The following CELSR1 variants were observed in gnomAD, a reference collection of about 807,000 sequenced individuals.
CELSR1 encodes the protein cadherin EGF LAG seven-pass G-type receptor 1.
In CELSR1, 110 loss-of-function variants were observed where a neutral mutation model predicts 249.1. That is an observed-to-expected ratio of 0.44 (90% CI 0.38 to 0.52). The LOEUF is 0.52. CELSR1 is among the 20% of genes least tolerant of loss of function. The probability of loss-of-function intolerance (pLI) is 0.00; values close to 1 mark genes in which losing one functional copy is unlikely to be tolerated. For synonymous variants in CELSR1, 2,113 were observed against 1,900.0 expected, an observed-to-expected ratio of 1.11 and a Z score of -2.92; for missense variants, 4,109 against 4,296.4, an observed-to-expected ratio of 0.96 and a Z score of 1.22.
At chr22:46,513,245 G>T (rs747392375) in intron 1 of CELSR1, among the ~76,000 whole-genome samples, 1 of 152,174 alleles carries the variant, frequency 6.6e-6, no homozygotes, top group Non-Finnish European at 1.5e-5. Context: ...TCCAACTACG[G>T]CCTTTATTCC....
rs1026256311 is a variant in CELSR1 at position 46,523,152 on chromosome 22, T to C, written c.3544+10475A>G. Among the ~76,000 whole-genome samples the C allele has an allele frequency of 3.9e-5, 6 of 152,230 alleles. No homozygotes were observed. The East Asian group carries it at 1.2e-3, about 29-fold the overall frequency. ...GCTGTTAGTTTACTTTAACCAAGTG[T>C]CATTTAGATTAGATATGAACAAAAA... On this transcript the variant is annotated intron_variant, in intron 1 of 34. Coordinates refer to ENST00000674500, the MANE Select transcript of CELSR1 (RefSeq NM_001378328.1).
intron 1 of CELSR1, among the ~76,000 whole-genome samples, chr22:46,489,710 T>C (rs3788716): frequency 0.55 from 84,108 of 151,622 alleles, 24,404 homozygotes; most frequent in African/African-American, 0.73. Context: ...GTCAGGAGTT[T>C]GAGACCAGCC....
At chr22:46,366,529 G>A (rs2078784477) in intron 29 of CELSR1, 49 bp from the exon 30 acceptor site, 6 of 1,391,020 alleles carry the variant, frequency 4.3e-6, no homozygotes, top group Non-Finnish European at 3.0e-6. Flanking sequence ...GCCACCACAT[G>A]ACCACCACGG....
At chr22:46,463,416 T>A (rs542174266) in intron 2 of CELSR1, among the ~76,000 whole-genome samples, 2 of 151,698 alleles carry the variant, frequency 1.3e-5, no homozygotes, top group Non-Finnish European at 2.9e-5. Flanking sequence ...CTCGGGAGGC[T>A]GAGGCAGAGG....
chr22:46,400,147 T>C (rs9627443), intron 9 of CELSR1, among the ~76,000 whole-genome samples: 4,959 of 151,854 alleles, frequency 0.033, 269 homozygotes, highest in African/African-American at 0.11. Flanking sequence ...CTGGCCAACA[T>C]GGTGAAACCC....
chr22:46,394,126 G>C lies in CELSR1; in HGVS notation c.5964+16C>G. 1 of 1,611,528 alleles carries C rather than the reference G, an allele frequency of 6.2e-7. No homozygotes were observed. ...AGCAAACACAGCATGCAGGGATCAT[G>C]GGGGCGGGGCCTCACCTTGCATTGG... On this transcript the variant is annotated intron_variant, in intron 14 of 34. Coordinates refer to ENST00000674500, the MANE Select transcript of CELSR1 (RefSeq NM_001378328.1).
Position 46,389,352 on chromosome 22 carries a change from GA to G in CELSR1, c.6492del (p.Gln2165SerfsTer82). 1 of 1,610,980 alleles carries G rather than the reference GA, an allele frequency of 6.2e-7. No individual in the cohort carries two copies. The highest frequency in any genetic ancestry group is 1.7e-4 in the Middle Eastern group (1 of 5,734). On this transcript the variant is annotated frameshift_variant, in exon 18 of 35. Transcript: ENST00000674500. LOFTEE classifies it high-confidence loss of function. ...AAGCCCTGCTGCCAGCTCTCGTGCT[GA>G]AGGACGTGGCCCAGCAGCTGGTAGG... is the stretch of plus-strand genomic sequence containing the variant. ...RTAYQLLGHV[L>X]QHESWQQGFD...
chr22:46,522,977 G>T (rs941030358), intron 1 of CELSR1, among the ~76,000 whole-genome samples: 1 of 152,238 alleles, frequency 6.6e-6, no homozygotes, highest in Non-Finnish European at 1.5e-5. Context: ...GGCCTTGGCC[G>T]ACAGCGGAAC....
rs569063051 is a variant in CELSR1, at chr22:46,478,857, T to TA, written c.3545-14513_3545-14512insT. Among the ~76,000 whole-genome samples the TA allele has an allele frequency of 4.5e-3, 678 of 151,962 alleles. 2 individuals are homozygous for TA. The highest frequency in any genetic ancestry group is 7.7e-3 in the Non-Finnish European group (524 of 67,952). ...GTGAGCCACCGTGCCCAGCCGAAGA[T>TA]GAGACGTCTTAGTAAACACAGCAAC... On this transcript the variant is annotated intron_variant, in intron 1 of 34. Transcript: ENST00000674500.
At position 46,410,011 on chromosome 22, in the gene CELSR1, C is replaced by A; in HGVS notation, c.4934-131G>T. On this transcript the variant is annotated intron_variant, in intron 7 of 34. Coordinates refer to ENST00000674500, the MANE Select transcript of CELSR1 (RefSeq NM_001378328.1). The surrounding 1 kb of genome is among the most constrained non-coding windows in gnomAD (Gnocchi z 6.8). ...ACAGAAGTCAGACCAGGTCTGAACG[C>A]CCCTGGCAACGGCAGGAACATGGGA... 1 of 1,158,652 alleles carries A rather than the reference C, an allele frequency of 8.6e-7. No homozygotes were observed. The highest frequency in any genetic ancestry group is 2.2e-5 in the Admixed American group (1 of 45,354). 71.8% of individuals were successfully genotyped at this position (1,158,652 alleles called of 1,614,324 possible). A position where few individuals can be genotyped will look rare whatever the true frequency, so the allele number is the denominator to read the frequency against.
rs1320836513 is a variant in CELSR1, at chr22:46,506,330, C to A, written c.3544+27297G>T. Reference sequence around the variant, plus strand: ...TGCCTGGCCTGGGGGAGCAGCAGAGCCCCGCAGGCCCTGTTGGGGTTTGGG... The same window carrying A: ...TGCCTGGCCTGGGGGAGCAGCAGAGACCCGCAGGCCCTGTTGGGGTTTGGG... On this transcript the variant is annotated intron_variant, in intron 1 of 34. Coordinates refer to ENST00000674500, the MANE Select transcript of CELSR1 (RefSeq NM_001378328.1). This position sits in a 1 kb window ranked among gnomAD's most constrained non-coding sequence, Gnocchi z 4.1. Among the ~76,000 whole-genome samples the A allele has an allele frequency of 6.6e-6, 1 of 152,162 alleles. No individual in the cohort carries two copies. The highest frequency in any genetic ancestry group is 2.4e-5 in the African/African-American group (1 of 41,446).
chr22:46,519,606 C>G (rs1038890697), intron 1 of CELSR1, among the ~76,000 whole-genome samples: 1 of 152,126 alleles, frequency 6.6e-6, no homozygotes, highest in Admixed American at 6.5e-5. Flanking sequence ...CCTTCCTGGG[C>G]GGGGTTGGGA....
chr22:46,478,732 T>G (rs2080236166), intron 1 of CELSR1, among the ~76,000 whole-genome samples: 1 of 151,726 alleles, frequency 6.6e-6, no homozygotes, highest in Non-Finnish European at 1.5e-5. Context: ...TTTGGTATTT[T>G]TAGTAGAGAC....
chr22:46,474,785 C>CTGTTTTTTT (rs1555925990), intron 1 of CELSR1, among the ~76,000 whole-genome samples: 1 of 45,196 alleles, frequency 2.2e-5, no homozygotes, highest in Non-Finnish European at 4.2e-5. Flanking sequence ...CTACTCTCTA[C>CTGTTTTTTT]TTCTTTTTTT....
Position 46,399,888 on chromosome 22 carries a change from G to A in CELSR1, c.5241C>T (p.Tyr1747=). The change falls in exon 10 of 35, where the codon TAC becomes TAT. Residue 1747 remains tyrosine, a synonymous_variant. Transcript: ENST00000674500. This position sits in a 1 kb window ranked among gnomAD's most constrained non-coding sequence, Gnocchi z 5.0. ...GGCCGTGGGACACCTCAAACTGGAG[G>A]TAGTTGTTCAGGATCTGGAGCAGGG... ...TSFRLQILNN[Y]LQFEVSHGPS... 1.2e-6 allele frequency: 2 copies of A among 1,614,122 alleles called. No homozygotes were observed. The highest frequency in any genetic ancestry group is 1.7e-6 in the Non-Finnish European group (2 of 1,179,980).
chr22:46,431,940 T>G (rs1458217919), intron 5 of CELSR1, among the ~76,000 whole-genome samples: 1 of 152,298 alleles, frequency 6.6e-6, no homozygotes, highest in East Asian at 1.9e-4. Flanking sequence ...ACATCCAATG[T>G]GCGGCAGCCC....
In CELSR1 at chr22:46,412,731, C is replaced by T. The variant is rs1349137160; in HGVS notation, c.4612-972G>A. On this transcript the variant is annotated intron_variant, in intron 5 of 34. Coordinates refer to ENST00000674500, the MANE Select transcript of CELSR1 (RefSeq NM_001378328.1). The surrounding 1 kb of genome is among the most constrained non-coding windows in gnomAD (Gnocchi z 4.5). ...CGCCCTTCCAGGAGGAAAAGCAGCA[C>T]CCGCCCTACACAATCCATGCTGGCC... 2.0e-5 allele frequency among the ~76,000 whole-genome samples: 3 copies of T among 152,204 alleles called. No homozygotes were observed. The East Asian group carries it at 5.8e-4, about 29-fold the overall frequency.
Position 46,364,245 on chromosome 22 carries a change from A to G in CELSR1, c.8786T>C (p.Leu2929Ser). 6.2e-7 allele frequency: 1 copy of G among 1,608,246 alleles called. No individual in the cohort carries two copies. The highest frequency in any genetic ancestry group is 8.5e-7 in the Non-Finnish European group (1 of 1,179,522). Reference sequence around the variant, plus strand: ...CGGCGGGTAGGTGACTTTATTTTTCAAGATGCCTGGGAGGAGGAGACACGG... The same window carrying G: ...CGGCGGGTAGGTGACTTTATTTTTCGAGATGCCTGGGAGGAGGAGACACGG... ...SQPPEQRKGI[L>S]KNKVTYPPPL... is the part of the protein sequence containing the mutation. The change falls in exon 34 of 35, where the codon TTG (leucine) becomes TCG (serine). Residue 2929 changes from leucine (L) to serine (S), a missense_variant. Physicochemically the swap from Leu to Ser is moderately radical, Grantham distance 145 (BLOSUM62 -2). Around this residue, in one of 7 missense-constraint regions of CELSR1, gnomAD observed 1,805 missense variants for 1,831.6 expected, o/e 0.99. Transcript: ENST00000674500.
rs372301409 is a variant in CELSR1, at chr22:46,463,855, G to A, written c.4035C>T (p.Asn1345=). The A allele has an allele frequency of 1.5e-4, 241 of 1,612,370 alleles. No individual in the cohort carries two copies. The highest frequency in any genetic ancestry group is 1.9e-4 in the Non-Finnish European group (220 of 1,179,306). Reference sequence around the variant, plus strand: ...CGGGCGGGCAGCGGCAGCGCAGGCCGTTGATGGGGTGGATGGGCCGGAAGA... The same window carrying A: ...CGGGCGGGCAGCGGCAGCGCAGGCCATTGATGGGGTGGATGGGCCGGAAGA... ...TVLFRPIHPI[N]GLRCRCPPGF... Residue 1345 remains asparagine, a synonymous_variant, in exon 2 of 35, where the codon AAC becomes AAT. Coordinates refer to ENST00000674500, the MANE Select transcript of CELSR1 (RefSeq NM_001378328.1).
Sources: allele counts gnomAD v4.1 joint callset (sites outside exome capture counted in the v4.1 genomes callset), GRCh38; gene constraint gnomAD v4.1.1; regional missense constraint gnomAD v4.1.1; non-coding constraint Gnocchi (gnomAD v3.1); transcripts MANE v1.5; gene names NCBI Gene and HGNC (gene_info 2026-07-23, HGNC 2026-07-21).